TOLLIP: variants seen among roughly 807,000 people sequenced by gnomAD.
The protein encoded by TOLLIP is toll interacting protein, also known as toll-interacting protein.
TOLLIP carries 16 observed loss-of-function variants against 33.5 expected under a neutral mutation model. The observed-to-expected ratio is 0.48, with a 90% CI of 0.32 to 0.72. The LOEUF is 0.72. Ranked by LOEUF, TOLLIP falls within the 30% of genes least tolerant of loss-of-function variation. TOLLIP has a pLI of 0.03. For missense variants in TOLLIP, 325 were observed against 396.6 expected, an observed-to-expected ratio of 0.82 and a Z score of 1.53; for synonymous variants, 176 against 163.7, an observed-to-expected ratio of 1.07 and a Z score of -0.57.
rs537155268 is a variant in TOLLIP at position 1,276,982 on chromosome 11, G to A, written c.*57C>T. 5 of 1,595,556 alleles carry A rather than the reference G, an allele frequency of 3.1e-6. No homozygotes were observed. The South Asian group carries it at 4.5e-5, about 14-fold the overall frequency. On this transcript the variant is annotated 3_prime_UTR_variant, in exon 6 of 6. Transcript: ENST00000317204. ...TCTTGTTGGGACAGCATTCCTTGGG[G>A]AGCGCCGGGTCGGCGTGTCCAAAGA...
rs1287304921 is a variant in TOLLIP, at chr11:1,303,930, G to A, written c.33+5536C>T. ...GGACGCCTGTAATCCCAGCTACTCGGGAGTCTGAGGCAGGAAAATCGCTTG... is the reference window on the plus strand; with the variant it reads ...GGACGCCTGTAATCCCAGCTACTCGAGAGTCTGAGGCAGGAAAATCGCTTG... On this transcript the variant is annotated intron_variant, in intron 1 of 5. Transcript: ENST00000317204. This position sits in a 1 kb window ranked among gnomAD's most constrained non-coding sequence, Gnocchi z 4.2. Among the ~76,000 whole-genome samples, 1 of 152,018 alleles carries A rather than the reference G, an allele frequency of 6.6e-6. No individual in the cohort carries two copies. The highest frequency in any genetic ancestry group is 1.5e-5 in the Non-Finnish European group (1 of 68,012).
intron 2 of TOLLIP, among the ~76,000 whole-genome samples, chr11:1,294,390 A>G (rs1218834084): frequency 1.2e-4 from 11 of 91,776 alleles, no homozygotes; most frequent in South Asian, 4.7e-4. Flanking sequence ...GAAAGCCCGC[A>G]TGGCTCAGTG....
intron 5 of TOLLIP, among the ~76,000 whole-genome samples, chr11:1,284,748 G>A (rs892337776): frequency 3.9e-5 from 6 of 152,190 alleles, no homozygotes; most frequent in Non-Finnish European, 5.9e-5. Flanking sequence ...GCACCTGCGC[G>A]GGCGGCTTCA....
rs1863352776 is a variant in TOLLIP at position 1,277,628 on chromosome 11, T to C, written c.611-375A>G. ...TTGCACTGCACACGCTCGTCTTCACTGACCAGTGGGCTCACAGAGTCCTCT... is the reference window on the plus strand; with the variant it reads ...TTGCACTGCACACGCTCGTCTTCACCGACCAGTGGGCTCACAGAGTCCTCT... On this transcript the variant is annotated intron_variant, in intron 5 of 5. Coordinates refer to ENST00000317204, the MANE Select transcript of TOLLIP (RefSeq NM_019009.4). The surrounding 1 kb of genome is among the most constrained non-coding windows in gnomAD (Gnocchi z 4.2). Among the ~76,000 whole-genome samples the C allele has an allele frequency of 6.6e-6, 1 of 152,234 alleles. No individual in the cohort carries two copies. Among genetic ancestry groups the C allele is most frequent in the Non-Finnish European group, 1.5e-5 (1 of 68,040 alleles).
In TOLLIP at chr11:1,296,276, C is replaced by A. The variant is rs574435713; in HGVS notation, c.34-482G>T. Among the ~76,000 whole-genome samples, 3 of 152,354 alleles carry A rather than the reference C, an allele frequency of 2.0e-5. No individual in the cohort carries two copies. In the East Asian group the frequency reaches 5.8e-4, roughly 29 times the overall value. ...CTTCAAATGTTTCCACATGAAACAGCTGAAATTCAAAAGTATCCCAGAAGA... is the reference window on the plus strand; with the variant it reads ...CTTCAAATGTTTCCACATGAAACAGATGAAATTCAAAAGTATCCCAGAAGA... On this transcript the variant is annotated intron_variant, in intron 1 of 5. Coordinates refer to ENST00000317204, the MANE Select transcript of TOLLIP (RefSeq NM_019009.4).
intron 1 of TOLLIP, among the ~76,000 whole-genome samples, chr11:1,307,341 G>A (rs897076410): frequency 3.9e-5 from 6 of 152,168 alleles, no homozygotes; most frequent in African/African-American, 1.2e-4. Context: ...AGATTCTAAC[G>A]ACACCTCAGC....
chr11:1,288,870 T>C, intron 3 of TOLLIP, 94 bp from the exon 4 acceptor site: 7 of 1,412,972 alleles, frequency 5.0e-6, no homozygotes, highest in Non-Finnish European at 6.7e-6. Flanking sequence ...CGAGTCCCCG[T>C]CTTATCTGTG....
At position 1,290,032 on chromosome 11, in the gene TOLLIP, T is replaced by C; in HGVS notation, c.366+195A>G. On this transcript the variant is annotated intron_variant, in intron 3 of 5. Coordinates refer to ENST00000317204, the MANE Select transcript of TOLLIP (RefSeq NM_019009.4). This position sits in a 1 kb window ranked among gnomAD's most constrained non-coding sequence, Gnocchi z 4.9. ...GGGGATGTTTCCAAATGTAAGTATG[T>C]TCAAGGAGCTGGAAACAATCCCTTT... The C allele has an allele frequency of 1.7e-6, 1 of 598,248 alleles. No homozygotes were observed. The highest frequency in any genetic ancestry group is 2.0e-5 in the South Asian group (1 of 48,878). 37.1% of individuals were successfully genotyped at this position (598,248 alleles called of 1,614,324 possible).
rs375469267 is a variant in TOLLIP, at chr11:1,278,562, G to A, written c.611-1309C>T. 7.0e-4 allele frequency among the ~76,000 whole-genome samples: 107 copies of A among 152,218 alleles called. No homozygotes were observed. Among genetic ancestry groups the A allele is most frequent in the South Asian group, 4.8e-3 (23 of 4,826 alleles). ...GGACTCCTCAGCAAGGAAGGCCACC[G>A]CTTCCCGGCTCCTTCTAGGCCAGGC... On this transcript the variant is annotated intron_variant, in intron 5 of 5. Coordinates refer to ENST00000317204, the MANE Select transcript of TOLLIP (RefSeq NM_019009.4). This position sits in a 1 kb window ranked among gnomAD's most constrained non-coding sequence, Gnocchi z 4.7.
rs551328831 is a variant in TOLLIP at position 1,277,831 on chromosome 11, C to T, written c.611-578G>A. Among the ~76,000 whole-genome samples the T allele has an allele frequency of 2.0e-5, 3 of 152,316 alleles. No individual in the cohort carries two copies. The East Asian group carries it at 5.8e-4, about 29-fold the overall frequency. On this transcript the variant is annotated intron_variant, in intron 5 of 5. Transcript: ENST00000317204. The surrounding 1 kb of genome is among the most constrained non-coding windows in gnomAD (Gnocchi z 4.2). ...GGCACTGAAGACCTCAGCAAAGCTGCAGCCGATGCCCAGAATGACAACCCC... is the reference window on the plus strand; with the variant it reads ...GGCACTGAAGACCTCAGCAAAGCTGTAGCCGATGCCCAGAATGACAACCCC...
At chr11:1,283,793 C>T (rs948805538) in intron 5 of TOLLIP, among the ~76,000 whole-genome samples, 1 of 152,214 alleles carries the variant, frequency 6.6e-6, no homozygotes, top group Admixed American at 6.5e-5. Context: ...ACTGCACCCC[C>T]CAAAAAGACA....
chr11:1,302,166 A>T (rs990734317), intron 1 of TOLLIP, among the ~76,000 whole-genome samples: 4 of 152,246 alleles, frequency 2.6e-5, no homozygotes, highest in Non-Finnish European at 4.4e-5. Flanking sequence ...GCCCAGGAGA[A>T]ATGGCCCATC....
chr11:1,308,070 C>G (rs997483468), intron 1 of TOLLIP, among the ~76,000 whole-genome samples: 2 of 152,190 alleles, frequency 1.3e-5, no homozygotes, highest in Non-Finnish European at 2.9e-5. Flanking sequence ...ACGGCATGTT[C>G]AGAGCCACTG....
Position 1,277,666 on chromosome 11 carries a change from G to A in TOLLIP, c.611-413C>T, listed in dbSNP as rs974467043. The stretch of plus-strand genomic sequence containing the variant: ...CACAGAGTCCTCTGCATCTGGGGAC[G>A]GACTACACGGAATGTCACGCCCGCT... On this transcript the variant is annotated intron_variant, in intron 5 of 5. Transcript: ENST00000317204. This position sits in a 1 kb window ranked among gnomAD's most constrained non-coding sequence, Gnocchi z 4.2. Among the ~76,000 whole-genome samples, 8 of 152,156 alleles carry A rather than the reference G, an allele frequency of 5.3e-5. No individual in the cohort carries two copies. The highest frequency in any genetic ancestry group is 3.9e-4 in the Admixed American group (6 of 15,276).
chr11:1,286,048 C>G lies in TOLLIP; in HGVS notation c.564G>C (p.Leu188=), dbSNP rs1274602512. The change falls in exon 5 of 6, where the codon CTG becomes CTC. Residue 188 remains leucine (L), a synonymous_variant. Transcript: ENST00000317204. ...CGCCCTGCTGGTACACTGTTGGCAT[C>G]AGGACCACGGGCTGGGGTGGCATCA... is the stretch of plus-strand genomic sequence containing the variant. ...AMVMPPQPVV[L]MPTVYQQGVG... 6.2e-6 allele frequency: 10 copies of G among 1,601,120 alleles called. No individual in the cohort carries two copies. The highest frequency in any genetic ancestry group is 8.5e-6 in the Non-Finnish European group (10 of 1,175,104).
chr11:1,309,434 G>A, intron 1 of TOLLIP, 32 bp downstream of exon 1: 2 of 1,255,790 alleles, frequency 1.6e-6, no homozygotes, highest in Non-Finnish European at 2.0e-6. Context: ...GCAGGTCACC[G>A]CCCCCGCCCG....
At chr11:1,280,925 C>T (rs537292414) in intron 5 of TOLLIP, among the ~76,000 whole-genome samples, 8 of 152,324 alleles carry the variant, frequency 5.3e-5, no homozygotes, top group Admixed American at 2.6e-4. Flanking sequence ...GTGGCACCCG[C>T]GCTGGTCTCT....
intron 5 of TOLLIP, chr11:1,283,561 T>C (rs1357391298): frequency 8.8e-6 from 4 of 456,164 alleles, no homozygotes; most frequent in Non-Finnish European, 1.8e-5. Flanking sequence ...TGGGAACTTT[T>C]CTATGAAGTG....
At chr11:1,302,755 C>A (rs1245447555) in intron 1 of TOLLIP, 1 of 985,500 alleles carries the variant, frequency 1.0e-6, no homozygotes, top group African/African-American at 1.7e-5. Flanking sequence ...GCATTTCATG[C>A]AACTGCTCTT....
Sources: allele counts gnomAD v4.1 joint callset (sites outside exome capture counted in the v4.1 genomes callset), GRCh38; gene constraint gnomAD v4.1.1; non-coding constraint Gnocchi (gnomAD v3.1); transcripts MANE v1.5; gene names NCBI Gene and HGNC (gene_info 2026-07-23, HGNC 2026-07-21).